The following MPPED1 variants were observed in gnomAD, a reference collection of about 807,000 sequenced individuals.
The protein encoded by MPPED1 is metallophosphoesterase domain containing 1.
Under a neutral mutation model 36.2 loss-of-function variants are expected in MPPED1, and 16 were observed. The observed-to-expected ratio is 0.44, with a 90% CI of 0.30 to 0.67. The LOEUF is 0.67. Among genes scored for constraint, MPPED1 ranks in the 30% least tolerant of loss-of-function variants. The pLI is 0.10. For missense variants in MPPED1, 307 were observed against 453.4 expected (o/e 0.68, Z 2.93); for synonymous variants, 199 against 191.3 (o/e 1.04, Z -0.33).
chr22:43,471,768 C>A (rs1382643456), intron 3 of MPPED1, among the ~76,000 whole-genome samples: 1 of 152,206 alleles, frequency 6.6e-6, no homozygotes, highest in Non-Finnish European at 1.5e-5. Context: ...CCTGCTGGGG[C>A]CTGCTAGGGA....
At chr22:43,453,538 T>C (rs1019478116) in intron 3 of MPPED1, among the ~76,000 whole-genome samples, 1 of 152,130 alleles carries the variant, frequency 6.6e-6, no homozygotes, top group African/African-American at 2.4e-5. Context: ...CTGATGATGA[T>C]GGGGGTGTGG....
rs150130656 is a variant in MPPED1, at chr22:43,453,607, C to T, written c.406+18392C>T. 5.5e-3 allele frequency among the ~76,000 whole-genome samples: 841 copies of T among 152,158 alleles called. 7 individuals carry two copies. The highest frequency in any genetic ancestry group is 7.7e-3 in the Non-Finnish European group (526 of 67,992). On this transcript the variant is annotated intron_variant, in intron 3 of 6. Coordinates refer to ENST00000443721, the MANE Select transcript of MPPED1 (RefSeq NM_001044370.2). ...TTACTCTTCTTTCATCCCGAAACCC[C>T]GTTGACTTCTACAGTTCTAGAATTG...
intron 1 of MPPED1, among the ~76,000 whole-genome samples, chr22:43,420,395 G>A (rs561707368): frequency 2.0e-5 from 3 of 151,406 alleles, no homozygotes; most frequent in East Asian, 1.9e-4. Context: ...AGGTGATGCC[G>A]CTTCAGATAG....
At chr22:43,443,165 C>A (rs1930212137) in intron 3 of MPPED1, among the ~76,000 whole-genome samples, 1 of 152,148 alleles carries the variant, frequency 6.6e-6, no homozygotes, top group Non-Finnish European at 1.5e-5. Context: ...GAAGGCCCCC[C>A]TGGGAGGGTC....
intron 4 of MPPED1, among the ~76,000 whole-genome samples, chr22:43,484,538 G>A (rs181959745): frequency 3.3e-5 from 5 of 152,184 alleles, no homozygotes; most frequent in Admixed American, 1.3e-4. Flanking sequence ...TGACGGATTC[G>A]TCCTGAGCAC....
At chr22:43,496,997 G>A (rs1473179233) in intron 4 of MPPED1, among the ~76,000 whole-genome samples, 11 of 128,008 alleles carry the variant, frequency 8.6e-5, no homozygotes, top group South Asian at 2.5e-4. Context: ...GGTGGTGGAG[G>A]TGGTGGTGGT....
intron 3 of MPPED1, among the ~76,000 whole-genome samples, chr22:43,462,807 C>G (rs1443531777): frequency 1.3e-5 from 2 of 152,152 alleles, no homozygotes; most frequent in Non-Finnish European, 2.9e-5. Flanking sequence ...TCACCATCTT[C>G]AGATGGCCAT....
rs762741357 is a variant in MPPED1 at position 43,502,633 on chromosome 22, C to T, written c.749-11C>T. 13 of 1,610,350 alleles carry T rather than the reference C, an allele frequency of 8.1e-6. No individual in the cohort carries two copies. Among genetic ancestry groups the T allele is most frequent in the Non-Finnish European group, 1.1e-5 (13 of 1,177,424 alleles). ...CCGCGTCATGGCCTCCTGTTGTCTC[C>T]CCCATACCAGGCTTCCTGGACTGGG... On this transcript the variant is annotated splice_polypyrimidine_tract_variant and intron_variant, in intron 5 of 6. Transcript: ENST00000443721. This position sits in a 1 kb window ranked among gnomAD's most constrained non-coding sequence, Gnocchi z 5.5.
At chr22:43,491,198 G>A (rs1017573514) in intron 4 of MPPED1, among the ~76,000 whole-genome samples, 7 of 152,198 alleles carry the variant, frequency 4.6e-5, no homozygotes, top group African/African-American at 1.2e-4. Context: ...TTCAGGCTCC[G>A]TGGGTGAGTC....
intron 3 of MPPED1, among the ~76,000 whole-genome samples, chr22:43,454,569 T>C (rs900612381): frequency 1.3e-5 from 2 of 152,128 alleles, no homozygotes; most frequent in African/African-American, 4.8e-5. Flanking sequence ...CCTCCCAAAA[T>C]TCTTCATCTT....
In MPPED1 at chr22:43,425,036, C is replaced by T; in HGVS notation, c.51C>T (p.Ala17=). 6.2e-7 allele frequency: 1 copy of T among 1,611,902 alleles called. No homozygotes were observed. ...DASVLKAEAL[A]LLPCGLGMAF... is the part of the protein sequence containing the mutation. ...GCGTCCTGAAGGCGGAGGCCCTGGCCCTCCTCCCCTGCGGCCTGGGCATGG... is the reference window on the plus strand; with the variant it reads ...GCGTCCTGAAGGCGGAGGCCCTGGCTCTCCTCCCCTGCGGCCTGGGCATGG... The change falls in exon 2 of 7, where the codon GCC becomes GCT. Residue 17 remains alanine (A), a synonymous_variant. Coordinates refer to ENST00000443721, the MANE Select transcript of MPPED1 (RefSeq NM_001044370.2).
chr22:43,476,434 GCA>G (rs1332288090), intron 4 of MPPED1, among the ~76,000 whole-genome samples: 1 of 152,114 alleles, frequency 6.6e-6, no homozygotes, highest in Non-Finnish European at 1.5e-5. Flanking sequence ...TCAGGAAGCA[GCA>G]CAGTCAGCGA....
chr22:43,425,077 A>C lies in MPPED1; in HGVS notation c.92A>C (p.His31Pro). The change falls in exon 2 of 7, where the codon CAC becomes CCC. Residue 31 changes from histidine to proline, a missense_variant. His to Pro is a moderately conservative substitution (Grantham distance 77). Around this residue, in one of 3 missense-constraint regions of MPPED1, gnomAD observed 169 missense variants for 212.3 expected, o/e 0.80. Transcript: ENST00000443721. ...CGLGMAFSQS[H>P]VMAARRHQHS... Reference sequence around the variant, plus strand: ...CTGGGCATGGCATTCTCCCAGTCCCACGTGATGGCCGCTCGGCGGCACCAG... The same window carrying C: ...CTGGGCATGGCATTCTCCCAGTCCCCCGTGATGGCCGCTCGGCGGCACCAG... 3 of 1,613,602 alleles carry C rather than the reference A, an allele frequency of 1.9e-6. No homozygotes were observed. Among genetic ancestry groups the C allele is most frequent in the Non-Finnish European group, 2.5e-6 (3 of 1,179,850 alleles).
intron 3 of MPPED1, among the ~76,000 whole-genome samples, chr22:43,462,711 C>T (rs1455421797): frequency 6.6e-6 from 1 of 152,192 alleles, no homozygotes; most frequent in East Asian, 1.9e-4. Flanking sequence ...GGTCATCTGT[C>T]TTCTAGTTTT....
chr22:43,455,713 A>AACT (rs1930730702), intron 3 of MPPED1, among the ~76,000 whole-genome samples: 1 of 152,224 alleles, frequency 6.6e-6, no homozygotes, highest in Admixed American at 6.5e-5. Context: ...TACTCAGTGT[A>AACT]ATTTCTCCAT....
chr22:43,413,473 G>A (rs1480879307), intron 1 of MPPED1, among the ~76,000 whole-genome samples: 1 of 152,220 alleles, frequency 6.6e-6, no homozygotes, highest in Non-Finnish European at 1.5e-5. Context: ...CCAGTCGGAA[G>A]CCAGATCTTG....
chr22:43,485,590 C>G (rs1301165119), intron 4 of MPPED1, among the ~76,000 whole-genome samples: 2 of 152,146 alleles, frequency 1.3e-5, no homozygotes, highest in African/African-American at 2.4e-5. Context: ...TGCCCCCTTC[C>G]TATCTTCATC....
intron 4 of MPPED1, among the ~76,000 whole-genome samples, chr22:43,496,400 G>A (rs1488314675): frequency 8.7e-5 from 9 of 103,054 alleles, no homozygotes; most frequent in Non-Finnish European, 1.1e-4. Context: ...GATGGTGGTG[G>A]TGGAGGTGGT....
intron 3 of MPPED1, among the ~76,000 whole-genome samples, chr22:43,441,816 C>T (rs1211053359): frequency 6.6e-6 from 1 of 152,188 alleles, no homozygotes; most frequent in Admixed American, 6.5e-5. Context: ...TTCTTTGGTT[C>T]TTGCCTCATT....
Sources: allele counts gnomAD v4.1 joint callset (sites outside exome capture counted in the v4.1 genomes callset), GRCh38; gene constraint gnomAD v4.1.1; regional missense constraint gnomAD v4.1.1; non-coding constraint Gnocchi (gnomAD v3.1); transcripts MANE v1.5; gene names NCBI Gene and HGNC (gene_info 2026-07-23, HGNC 2026-07-21).